ST7: variants seen among roughly 807,000 people sequenced by gnomAD.
The protein encoded by ST7 is suppressor of tumorigenicity 7 protein.
Under a neutral mutation model 78.7 loss-of-function variants are expected in ST7, and 28 were observed. That is an observed-to-expected ratio of 0.36 (90% CI 0.26 to 0.49). The LOEUF (loss-of-function observed/expected upper bound fraction) is 0.49. ST7 is among the 20% of genes least tolerant of loss of function. ST7 has a pLI of 0.99. For synonymous variants in ST7, 247 were observed against 249.6 expected, an observed-to-expected ratio of 0.99 and a Z score of 0.10; for missense variants, 418 against 696.0, an observed-to-expected ratio of 0.60 and a Z score of 4.49.
At chr7:117,086,292 G>C (rs76975878) in intron 1 of ST7, among the ~76,000 whole-genome samples, 1 of 152,174 alleles carries the variant, frequency 6.6e-6, no homozygotes, top group Non-Finnish European at 1.5e-5. Context: ...GGTACCTTCT[G>C]AGTTCATGGC....
At chr7:117,054,605 G>A (rs1457573368) in intron 1 of ST7, among the ~76,000 whole-genome samples, 2 of 152,190 alleles carry the variant, frequency 1.3e-5, no homozygotes, top group African/African-American at 4.8e-5. Context: ...CTTTGTCTGT[G>A]CTATAAATGT....
chr7:117,153,448 A>G (rs1489035710), intron 9 of ST7, among the ~76,000 whole-genome samples: 1 of 152,184 alleles, frequency 6.6e-6, no homozygotes, highest in African/African-American at 2.4e-5. Flanking sequence ...TGAGTAGAGT[A>G]AAAAAGAAGA....
chr7:117,209,688 A>G (rs140383564), intron 12 of ST7, 99 bp from the exon 13 acceptor site: 9 of 1,368,354 alleles, frequency 6.6e-6, no homozygotes, highest in African/African-American at 1.5e-5. Flanking sequence ...TGAAATGCTT[A>G]TAAGTGGTGG....
intron 1 of ST7, chr7:116,956,438 T>C (rs758899709): frequency 2.1e-6 from 1 of 470,826 alleles, no homozygotes; most frequent in Admixed American, 2.3e-5. Flanking sequence ...TGGTGCTTAC[T>C]CTTCCTGTGA....
chr7:117,198,583 T>C, intron 12 of ST7: 1 of 273,860 alleles, frequency 3.7e-6, no homozygotes, highest in Non-Finnish European at 7.2e-6. Flanking sequence ...ATTTCCGACC[T>C]GTGTCTTATA....
chr7:116,970,521 G>C (rs1793364254), intron 1 of ST7, among the ~76,000 whole-genome samples: 1 of 152,180 alleles, frequency 6.6e-6, no homozygotes, highest in Admixed American at 6.5e-5. Flanking sequence ...TCACATGGAA[G>C]AGAGCAGAGA....
chr7:117,171,002 C>A, intron 10 of ST7, 26 bp downstream of exon 10: 1 of 1,439,594 alleles, frequency 6.9e-7, no homozygotes, highest in Non-Finnish European at 9.7e-7. Context: ...TTTTTATTTA[C>A]TTGACTATTC....
chr7:117,156,257 G>A (rs1456586236), intron 9 of ST7, among the ~76,000 whole-genome samples: 1 of 152,078 alleles, frequency 6.6e-6, no homozygotes, highest in Middle Eastern at 3.2e-3. Flanking sequence ...TAACTACTCA[G>A]TAACTATTTG....
intron 1 of ST7, chr7:116,972,595 TC>T: frequency 7.1e-7 from 1 of 1,412,148 alleles, no homozygotes; most frequent in Non-Finnish European, 9.9e-7. Flanking sequence ...TTCCTGGAGT[TC>T]CATCTTTTCT....
At chr7:116,953,729 C>T in intron 1 of ST7, 38 bp downstream of exon 1, 2 of 1,363,986 alleles carry the variant, frequency 1.5e-6, no homozygotes, top group Non-Finnish European at 9.7e-7. Context: ...GCCCACCCCT[C>T]CCCCGCCCCG....
intron 9 of ST7, among the ~76,000 whole-genome samples, chr7:117,161,290 A>G (rs1807120726): frequency 6.6e-6 from 1 of 152,158 alleles, no homozygotes; most frequent in Non-Finnish European, 1.5e-5. Context: ...CCTATTTTTG[A>G]GGAAGAAACT....
At chr7:117,094,875 T>C (rs1800904913) in intron 1 of ST7, among the ~76,000 whole-genome samples, 2 of 152,230 alleles carry the variant, frequency 1.3e-5, no homozygotes. Context: ...GGGACTCTTT[T>C]TTAACCCTTT....
At chr7:116,964,307 A>G (rs1260339131) in intron 1 of ST7, among the ~76,000 whole-genome samples, 1 of 152,214 alleles carries the variant, frequency 6.6e-6, no homozygotes. Context: ...CTTGGGAATG[A>G]GAATGAAATT....
intron 1 of ST7, among the ~76,000 whole-genome samples, chr7:117,001,811 T>A (rs985187004): frequency 2.0e-5 from 3 of 152,186 alleles, no homozygotes; most frequent in Non-Finnish European, 4.4e-5. Flanking sequence ...AATGGCAGGA[T>A]CCTTTTGTTG....
chr7:116,976,125 C>T (rs956945278), intron 1 of ST7, among the ~76,000 whole-genome samples: 2 of 152,020 alleles, frequency 1.3e-5, no homozygotes, highest in African/African-American at 4.8e-5. Context: ...ATTAGCTGGG[C>T]GTGGTGGCAG....
At chr7:117,198,505 A>C in intron 12 of ST7, 1 of 304,822 alleles carries the variant, frequency 3.3e-6, no homozygotes, top group Non-Finnish European at 6.5e-6. Flanking sequence ...GGCTGCAGCT[A>C]TTGTCTTCAG....
intron 3 of ST7, among the ~76,000 whole-genome samples, chr7:117,129,446 T>C (rs1804152169): frequency 6.6e-6 from 1 of 151,944 alleles, no homozygotes; most frequent in African/African-American, 2.4e-5. Flanking sequence ...ATAGTTTTAC[T>C]TCTGCCTATA....
intron 9 of ST7, among the ~76,000 whole-genome samples, chr7:117,169,456 A>G (rs193560): frequency 0.13 from 19,204 of 152,122 alleles, 2,284 homozygotes; most frequent in African/African-American, 0.31. Flanking sequence ...TTTCTTGAAG[A>G]TAAAAACTTT....
chr7:117,110,971 A>G (rs1177088023), intron 2 of ST7, among the ~76,000 whole-genome samples: 2 of 152,046 alleles, frequency 1.3e-5, no homozygotes. Flanking sequence ...AGCAAAGGAA[A>G]ACCTCTCCTG....
Sources: allele counts gnomAD v4.1 joint callset (sites outside exome capture counted in the v4.1 genomes callset), GRCh38; gene constraint gnomAD v4.1.1; transcripts MANE v1.5; gene names NCBI Gene and HGNC (gene_info 2026-07-23, HGNC 2026-07-21).